EIF4G3: variants seen among roughly 807,000 people sequenced by gnomAD.
The protein encoded by EIF4G3 is eukaryotic translation initiation factor 4 gamma 3, also known as eIF-4-gamma 3.
EIF4G3 carries 34 observed loss-of-function variants against 186.4 expected under a neutral mutation model. That is an observed-to-expected ratio of 0.18 (90% CI 0.14 to 0.24). The LOEUF is 0.24. EIF4G3 is among the 10% of genes least tolerant of loss of function. The pLI is 1.00. For synonymous variants in EIF4G3, 673 were observed against 679.5 expected, an observed-to-expected ratio of 0.99 and a Z score of 0.15; for missense variants, 1,536 against 1,948.5, an observed-to-expected ratio of 0.79 and a Z score of 3.99.
chr1:20,999,608 G>A (rs2083056059), intron 6 of EIF4G3: 1 of 361,506 alleles, frequency 2.8e-6, no homozygotes, highest in Admixed American at 3.8e-5. Context: ...AACAAGAAGA[G>A]TATCTTATAA....
chr1:21,144,048 G>A (rs1420685592), intron 2 of EIF4G3, among the ~76,000 whole-genome samples: 2 of 152,140 alleles, frequency 1.3e-5, no homozygotes, highest in African/African-American at 4.8e-5. Context: ...TATTTTTTAA[G>A]AAAGCAAATA....
intron 2 of EIF4G3, 57 bp downstream of exon 2, chr1:21,176,118 T>G: frequency 3.3e-6 from 1 of 307,372 alleles, no homozygotes; most frequent in African/African-American, 2.2e-5. Context: ...GGCTGCGGGG[T>G]CCCCCTGGAC....
intron 3 of EIF4G3, among the ~76,000 whole-genome samples, chr1:21,077,845 A>G (rs1342617930): frequency 2.0e-5 from 3 of 148,760 alleles, no homozygotes; most frequent in African/African-American, 7.5e-5. Context: ...ACATCATTGC[A>G]CTCCAGCCAG....
intron 2 of EIF4G3, among the ~76,000 whole-genome samples, chr1:21,141,181 C>T (rs1192760643): frequency 6.6e-6 from 1 of 151,978 alleles, no homozygotes; most frequent in African/African-American, 2.4e-5. Flanking sequence ...TGCAGTCTGC[C>T]CAAGGTCATA....
intron 35 of EIF4G3, among the ~76,000 whole-genome samples, chr1:20,811,096 C>A (rs936450242): frequency 2.0e-5 from 3 of 151,860 alleles, no homozygotes; most frequent in Non-Finnish European, 1.5e-5. Flanking sequence ...ACTACAGGCG[C>A]CTGCTCCCAG....
intron 22 of EIF4G3, 137 bp from the exon 23 acceptor site, chr1:20,862,469 G>T: frequency 1.8e-6 from 1 of 559,480 alleles, no homozygotes; most frequent in Non-Finnish European, 3.1e-6. Context: ...AGGCTGGAGT[G>T]CAGTAGCACA....
intron 3 of EIF4G3, among the ~76,000 whole-genome samples, chr1:21,060,800 A>C (rs1404720197): frequency 1.3e-5 from 2 of 151,696 alleles, no homozygotes; most frequent in Admixed American, 6.6e-5. Flanking sequence ...AAAAAAAAAA[A>C]AAAACAAAGC....
intron 13 of EIF4G3, among the ~76,000 whole-genome samples, chr1:20,942,805 T>A (rs1234512683): frequency 6.6e-6 from 1 of 152,192 alleles, no homozygotes; most frequent in Non-Finnish European, 1.5e-5. Context: ...TTCTATATAT[T>A]TTTGTATTTG....
intron 2 of EIF4G3, among the ~76,000 whole-genome samples, chr1:21,145,337 A>AG (rs1220534877): frequency 6.6e-6 from 1 of 151,482 alleles, no homozygotes; most frequent in African/African-American, 2.4e-5. Context: ...AAACAAACAA[A>AG]AAAAACCCTA....
chr1:21,137,942 C>T (rs968009739), intron 2 of EIF4G3, among the ~76,000 whole-genome samples: 2 of 152,024 alleles, frequency 1.3e-5, no homozygotes, highest in African/African-American at 4.8e-5. Context: ...AAAAGACCTA[C>T]GCTCTCAGAA....
chr1:20,882,517 A>AAGG (rs2082695919), intron 19 of EIF4G3, among the ~76,000 whole-genome samples: 1 of 151,242 alleles, frequency 6.6e-6, no homozygotes. Context: ...ACTACTCGGG[A>AAGG]GGCTGAGGCA....
intron 2 of EIF4G3, among the ~76,000 whole-genome samples, chr1:21,089,858 A>G (rs2096126498): frequency 6.6e-6 from 1 of 152,144 alleles, no homozygotes; most frequent in Non-Finnish European, 1.5e-5. Flanking sequence ...ACACTACAAC[A>G]TACTTCCTTC....
chr1:20,901,617 T>A (rs2090320602), intron 15 of EIF4G3, among the ~76,000 whole-genome samples: 1 of 152,150 alleles, frequency 6.6e-6, no homozygotes, highest in Non-Finnish European at 1.5e-5. Context: ...AAAAGAAGTA[T>A]AAAGAAACTA....
chr1:21,083,554 GCTCAAGTGATCCACCCAC>G (rs1321789746), intron 3 of EIF4G3, among the ~76,000 whole-genome samples: 2 of 151,212 alleles, frequency 1.3e-5, no homozygotes, highest in Non-Finnish European at 2.9e-5. Flanking sequence ...AAACTCCTGA[GCTCAAGTGATCCACCCAC>G]CTCAGCCTCC....
At chr1:21,093,978 T>C (rs1557928096) in intron 2 of EIF4G3, among the ~76,000 whole-genome samples, 2 of 151,820 alleles carry the variant, frequency 1.3e-5, no homozygotes, top group African/African-American at 4.8e-5. Flanking sequence ...GAGGGAGGGA[T>C]AGCATTAGGA....
chr1:20,840,812 C>T (rs752309860), intron 30 of EIF4G3, 44 bp downstream of exon 30: 1 of 1,577,848 alleles, frequency 6.3e-7, no homozygotes, highest in Non-Finnish European at 8.7e-7. Flanking sequence ...AACTGGTACC[C>T]AAGAGCCTAG....
At chr1:20,813,368 G>A (rs1048735981) in intron 34 of EIF4G3, 129 bp from the exon 35 acceptor site, 3 of 369,568 alleles carry the variant, frequency 8.1e-6, no homozygotes, top group African/African-American at 7.2e-5. Flanking sequence ...GTTGAGACCA[G>A]TCTGGGCAAT....
chr1:20,825,036 C>T, intron 33 of EIF4G3, 64 bp downstream of exon 33: 1 of 1,054,706 alleles, frequency 9.5e-7, no homozygotes, highest in Middle Eastern at 2.1e-4. Context: ...AGGAAATTAC[C>T]TTCACTTCCT....
intron 3 of EIF4G3, among the ~76,000 whole-genome samples, chr1:21,079,075 TA>T (rs1367224472): frequency 6.6e-6 from 1 of 152,122 alleles, no homozygotes; most frequent in African/African-American, 2.4e-5. Context: ...ATGATTCTTC[TA>T]AAAAAAGTAT....
Sources: gnomAD v4.1 joint callset for allele counts (sites outside exome capture counted in the v4.1 genomes callset) on GRCh38, gnomAD v4.1.1 for gene constraint, MANE v1.5 for transcripts, NCBI Gene and HGNC (gene_info 2026-07-23, HGNC 2026-07-21) for gene names.